The following CRIM1 variants were observed in gnomAD, a reference collection of about 807,000 sequenced individuals.
CRIM1 encodes the protein cysteine rich transmembrane BMP regulator 1.
Under a neutral mutation model 116.4 loss-of-function variants are expected in CRIM1, and 32 were observed. The observed-to-expected ratio is 0.27, with a 90% CI of 0.21 to 0.37. CRIM1 has a LOEUF of 0.37. Ranked by LOEUF, CRIM1 falls within the 10% of genes least tolerant of loss-of-function variation. The probability of loss-of-function intolerance (pLI) is 1.00; values close to 1 mark genes in which losing one functional copy is unlikely to be tolerated. For missense variants in CRIM1, 1,331 were observed against 1,354.8 expected, an observed-to-expected ratio of 0.98 and a Z score of 0.28; for synonymous variants, 590 against 509.2, an observed-to-expected ratio of 1.16 and a Z score of -2.13.
chr2:36,547,365 A>C (rs1415522385), intron 16 of CRIM1, among the ~76,000 whole-genome samples, 194 bp downstream of exon 16: 1 of 152,214 alleles, frequency 6.6e-6, no homozygotes, highest in African/African-American at 2.4e-5. Flanking sequence ...CACAAGGTGA[A>C]TTATCCATTA....
At chr2:36,447,482 GTTC>G (rs772058219) in intron 4 of CRIM1, among the ~76,000 whole-genome samples, 3 of 152,164 alleles carry the variant, frequency 2.0e-5, no homozygotes, top group Non-Finnish European at 2.9e-5. Flanking sequence ...TGACTGAGCA[GTTC>G]TTCTGTAGCC....
intron 8 of CRIM1, among the ~76,000 whole-genome samples, chr2:36,506,456 A>G (rs1385377008): frequency 6.6e-6 from 1 of 152,150 alleles, no homozygotes. Context: ...GTACTCCTCT[A>G]GGGGACACCA....
intron 1 of CRIM1, among the ~76,000 whole-genome samples, chr2:36,359,346 A>G (rs909115170): frequency 5.3e-5 from 8 of 152,240 alleles, no homozygotes; most frequent in Admixed American, 4.6e-4. Flanking sequence ...TAATTTAAAT[A>G]CAAATTATAT....
At chr2:36,403,267 A>T (rs998154348) in intron 2 of CRIM1, among the ~76,000 whole-genome samples, 20 of 152,208 alleles carry the variant, frequency 1.3e-4, no homozygotes, top group Admixed American at 9.2e-4. Context: ...AGGGCTTTAG[A>T]TAATTCTCCT....
intron 1 of CRIM1, among the ~76,000 whole-genome samples, chr2:36,391,536 G>T (rs1162977112): frequency 6.6e-6 from 1 of 152,080 alleles, no homozygotes; most frequent in Non-Finnish European, 1.5e-5. Flanking sequence ...TTACATATTG[G>T]CTAAATCACA....
At chr2:36,474,972 G>A (rs924753643) in intron 5 of CRIM1, among the ~76,000 whole-genome samples, 7 of 151,822 alleles carry the variant, frequency 4.6e-5, no homozygotes, top group Non-Finnish European at 8.8e-5. Flanking sequence ...TATCCCTGTG[G>A]CAGTACCACA....
intron 8 of CRIM1, 102 bp from the exon 9 acceptor site, chr2:36,509,881 A>G: frequency 1.0e-6 from 1 of 1,003,546 alleles, no homozygotes; most frequent in Non-Finnish European, 1.5e-6. Context: ...TGAGAAATTG[A>G]GATCTGTGGA....
chr2:36,388,257 G>A (rs1372370862), intron 1 of CRIM1, among the ~76,000 whole-genome samples: 1 of 152,110 alleles, frequency 6.6e-6, no homozygotes, highest in Non-Finnish European at 1.5e-5. Context: ...TCTAAGAATG[G>A]AGATACTGGA....
intron 2 of CRIM1, among the ~76,000 whole-genome samples, chr2:36,435,877 T>C (rs915319183): frequency 6.6e-6 from 1 of 151,794 alleles, no homozygotes; most frequent in African/African-American, 2.4e-5. Context: ...CATAGTTACT[T>C]CTGTTGCAAG....
At chr2:36,458,295 C>T (rs750577893) in intron 4 of CRIM1, among the ~76,000 whole-genome samples, 50 of 152,002 alleles carry the variant, frequency 3.3e-4, no homozygotes, top group Non-Finnish European at 5.7e-4. Context: ...TCTGGGGTGA[C>T]GGGGCGAGGC....
chr2:36,485,264 A>G (rs1302347878), intron 7 of CRIM1, among the ~76,000 whole-genome samples: 1 of 152,180 alleles, frequency 6.6e-6, no homozygotes, highest in Non-Finnish European at 1.5e-5. Flanking sequence ...TGGATCTCTT[A>G]CTTAGGGAAT....
intron 1 of CRIM1, among the ~76,000 whole-genome samples, chr2:36,394,460 A>G (rs997809335): frequency 2.0e-5 from 3 of 151,960 alleles, no homozygotes; most frequent in Non-Finnish European, 4.4e-5. Flanking sequence ...CTTCTTTTCT[A>G]TGTTGAATTT....
chr2:36,373,778 G>GCATC (rs138169334), intron 1 of CRIM1, among the ~76,000 whole-genome samples: 3,722 of 152,238 alleles, frequency 0.024, 127 homozygotes, highest in East Asian at 0.091. Flanking sequence ...GTGTGCATGT[G>GCATC]CATCCATGTG....
chr2:36,537,472 C>T lies in CRIM1; in HGVS notation c.2549C>T (p.Ser850Leu), dbSNP rs1273757527. ...TGCCTGCAGGGCCAGACCCTCTGCT[C>T]GACCGTCAGCTGCCCCCCTCTGCCC... The part of the protein sequence containing the change: ...CYCLQGQTLC[S>L]TVSCPPLPCV... Residue 850 changes from serine (S) to leucine (L), a missense_variant, in exon 14 of 17, where the codon TCG becomes TTG. Ser to Leu is a moderately radical substitution (Grantham distance 145, BLOSUM62 -2). Transcript: ENST00000280527. The T allele has an allele frequency of 1.9e-6, 3 of 1,614,212 alleles. No individual in the cohort carries two copies. Among genetic ancestry groups the T allele is most frequent in the Admixed American group, 1.7e-5 (1 of 60,030 alleles).
chr2:36,444,203 A>G (rs1676074759), intron 4 of CRIM1, among the ~76,000 whole-genome samples: 1 of 152,224 alleles, frequency 6.6e-6, no homozygotes, highest in South Asian at 2.1e-4. Flanking sequence ...TATAAATGCC[A>G]CATAGAGCCA....
intron 1 of CRIM1, among the ~76,000 whole-genome samples, chr2:36,370,824 T>G (rs974846012): frequency 6.6e-6 from 1 of 152,148 alleles, no homozygotes; most frequent in Non-Finnish European, 1.5e-5. Flanking sequence ...GCATAGTTAT[T>G]CCCCCTCTAC....
At chr2:36,404,648 A>G (rs1008888071) in intron 2 of CRIM1, among the ~76,000 whole-genome samples, 4 of 152,180 alleles carry the variant, frequency 2.6e-5, no homozygotes, top group Non-Finnish European at 5.9e-5. Flanking sequence ...TTTCTAAATG[A>G]CCTAAATTGC....
intron 7 of CRIM1, among the ~76,000 whole-genome samples, chr2:36,481,352 TAG>T (rs1189531908): frequency 1.3e-5 from 2 of 152,172 alleles, no homozygotes; most frequent in African/African-American, 4.8e-5. Flanking sequence ...GAGTGAAACT[TAG>T]TGTGGTCACT....
intron 5 of CRIM1, among the ~76,000 whole-genome samples, chr2:36,476,449 G>A (rs191921790): frequency 3.9e-5 from 6 of 152,208 alleles, no homozygotes; most frequent in African/African-American, 1.4e-4. Flanking sequence ...GAGAGCACTG[G>A]GGGAACAGAA....
Sources: gnomAD v4.1 joint callset for allele counts (sites outside exome capture counted in the v4.1 genomes callset) on GRCh38, gnomAD v4.1.1 for gene constraint, MANE v1.5 for transcripts, NCBI Gene and HGNC (gene_info 2026-07-23, HGNC 2026-07-21) for gene names.